TPO: variants seen among roughly 807,000 people sequenced by gnomAD.
TPO encodes thyroid microsomal antigen.
In TPO, 78 loss-of-function variants were observed where a neutral mutation model predicts 96.9. That is an observed-to-expected ratio of 0.81 (90% CI 0.67 to 0.97). TPO has a LOEUF of 0.97. TPO is among the 50% of genes least tolerant of loss of function. The pLI, the probability that TPO is intolerant of heterozygous loss-of-function variation, is 0.00. For missense variants in TPO, 1,252 were observed against 1,274.8 expected (o/e 0.98, Z 0.27); for synonymous variants, 547 against 538.0 (o/e 1.02, Z -0.23).
rs753132298 is a variant in TPO at position 1,487,873 on chromosome 2, G to A, written c.1650G>A (p.Gln550=). 4.3e-6 allele frequency: 7 copies of A among 1,614,258 alleles called. No individual in the cohort carries two copies. The highest frequency in any genetic ancestry group is 3.3e-4 in the Middle Eastern group (2 of 6,062). Residue 550 remains glutamine (Q), a synonymous_variant, in exon 10 of 17, where the codon CAG becomes CAA. Transcript: ENST00000329066. ...RGLLARPAKL[Q]VQDQLMNEEL... is the part of the protein sequence containing the mutation. ...TTCTTGCAAGACCAGCCAAACTGCAGGTGCAGGATCAGCTGATGAACGAGG... is the reference window on the plus strand; with the variant it reads ...TTCTTGCAAGACCAGCCAAACTGCAAGTGCAGGATCAGCTGATGAACGAGG...
In TPO at chr2:1,534,354, GTCCAACTGTGTTCAACCTCCCCAAATCCC is replaced by G. The variant is rs912898533; in HGVS notation, c.2619-6228_2619-6200del. ...CCACTGTGTGCAACTTCCCTAAGTCGTCCAACTGTGTTCAACCTCCCCAAATCCCTCCAACTGTGTGCAACCTCCCCAAA... is the reference window on the plus strand; with the variant it reads ...CCACTGTGTGCAACTTCCCTAAGTCGTCCAACTGTGTGCAACCTCCCCAAA... On this transcript the variant is annotated intron_variant, in intron 15 of 16. Transcript: ENST00000329066. Among the ~76,000 whole-genome samples, 8 of 109,590 alleles carry G rather than the reference GTCCAACTGTGTTCAACCTCCCCAAATCCC, an allele frequency of 7.3e-5. 1 individual carries two copies. The highest frequency in any genetic ancestry group is 2.4e-4 in the African/African-American group (7 of 29,498). The allele number at this position is 109,590 out of a possible 152,430, so 71.9% of individuals were successfully genotyped here. A position where few individuals can be genotyped will look rare whatever the true frequency, so the allele number is the denominator to read the frequency against.
intron 14 of TPO, among the ~76,000 whole-genome samples, chr2:1,514,865 G>A (rs1286896335): frequency 6.6e-6 from 1 of 152,218 alleles, no homozygotes; most frequent in Non-Finnish European, 1.5e-5. Flanking sequence ...GGGTAAACAT[G>A]GAGCTGCTTA....
chr2:1,408,763 G>A (rs1238608816), upstream of TPO, among the ~76,000 whole-genome samples: 1 of 152,186 alleles, frequency 6.6e-6, no homozygotes, highest in African/African-American at 2.4e-5. Context: ...CCAAATAGAA[G>A]TAGGAAGGAC....
In TPO at chr2:1,496,761, C is replaced by T; in HGVS notation, c.2382C>T (p.Cys794=). 1.2e-6 allele frequency: 2 copies of T among 1,614,176 alleles called. No individual in the cohort carries two copies. The highest frequency in any genetic ancestry group is 1.7e-6 in the Non-Finnish European group (2 of 1,180,038). Residue 794 remains cysteine (C), a synonymous_variant, in exon 13 of 17, where the codon TGC becomes TGT. Transcript: ENST00000329066. ...GATGGGATTTCCAGCCTCCCCTCTG[C>T]AAAGGTCAGTCCTTTCTTCAATGAC... ...QEGWDFQPPL[C]KDVNECADGA...
intron 1 of TPO, among the ~76,000 whole-genome samples, chr2:1,400,769 T>C (rs1305587047): frequency 6.6e-6 from 1 of 152,168 alleles, no homozygotes; most frequent in African/African-American, 2.4e-5. Context: ...TCAGCAAGAA[T>C]TGAAAATTAA....
In TPO at chr2:1,536,813, A is replaced by C. The variant is rs1330631580; in HGVS notation, c.2619-3781A>C. On this transcript the variant is annotated intron_variant, in intron 15 of 16. Coordinates refer to ENST00000329066, the MANE Select transcript of TPO (RefSeq NM_001206744.2). ...CCCCGCAATCTGTGCAACCTCCCCA[A>C]ATCCCCCCCACTGTGTGCAACCTCC... Among the ~76,000 whole-genome samples the C allele has an allele frequency of 5.0e-3, 403 of 80,322 alleles. 5 individuals are homozygous for C. The highest frequency in any genetic ancestry group is 0.017 in the African/African-American group (375 of 21,546). The allele number at this position is 80,322 out of a possible 152,430, so 52.7% of individuals were successfully genotyped here.
At chr2:1,445,617 A>G (rs1384347077) in intron 5 of TPO, among the ~76,000 whole-genome samples, 19 of 133,850 alleles carry the variant, frequency 1.4e-4, no homozygotes, top group Middle Eastern at 4.9e-3. Flanking sequence ...AGGAGGTACC[A>G]TGTTGGAAGG....
intron 9 of TPO, among the ~76,000 whole-genome samples, chr2:1,485,906 TA>T (rs1426826564): frequency 6.6e-6 from 1 of 152,230 alleles, no homozygotes. Context: ...ACTCTTTAAT[TA>T]GATCTCATTT....
At chr2:1,514,007 A>G (rs1013732773) in intron 14 of TPO, among the ~76,000 whole-genome samples, 2 of 152,196 alleles carry the variant, frequency 1.3e-5, no homozygotes, top group African/African-American at 4.8e-5. Context: ...TTCTAGCTCT[A>G]TGTACCGATA....
intron 2 of TPO, among the ~76,000 whole-genome samples, chr2:1,415,783 A>C (rs1662896486): frequency 1.3e-5 from 2 of 152,200 alleles, no homozygotes; most frequent in African/African-American, 4.8e-5. Flanking sequence ...AGGGTCACAG[A>C]ATCTGGAGTC....
At chr2:1,497,530 G>A (rs1208453076) in intron 13 of TPO, among the ~76,000 whole-genome samples, 1 of 152,178 alleles carries the variant, frequency 6.6e-6, no homozygotes, top group Non-Finnish European at 1.5e-5. Flanking sequence ...AGAGCAGCTT[G>A]CGTCCTCCAA....
At chr2:1,520,623 G>A (rs1675160621) in intron 15 of TPO, among the ~76,000 whole-genome samples, 1 of 152,230 alleles carries the variant, frequency 6.6e-6, no homozygotes, top group Non-Finnish European at 1.5e-5. Flanking sequence ...ACGATTCGGA[G>A]TTAACTCCAT....
intron 1 of TPO, among the ~76,000 whole-genome samples, chr2:1,378,605 GC>G (rs1661757413): frequency 6.6e-6 from 1 of 152,212 alleles, no homozygotes; most frequent in Non-Finnish European, 1.5e-5. Flanking sequence ...CCCAGGCTCG[GC>G]CAGGGCTGGA....
At chr2:1,498,133 A>G (rs373184302) in intron 13 of TPO, among the ~76,000 whole-genome samples, 3 of 152,332 alleles carry the variant, frequency 2.0e-5, no homozygotes, top group East Asian at 1.9e-4. Context: ...TCAGCACAAT[A>G]ACAAAATTTC....
At chr2:1,431,048 G>A (rs1664928636) in intron 3 of TPO, among the ~76,000 whole-genome samples, 2 of 152,276 alleles carry the variant, frequency 1.3e-5, no homozygotes, top group South Asian at 4.1e-4. Context: ...GTGGGATTTG[G>A]GGGAACGGGT....
At chr2:1,537,040 T>A (rs773198762) in intron 15 of TPO, among the ~76,000 whole-genome samples, 615 of 17,190 alleles carry the variant, frequency 0.036, 1 homozygote, top group African/African-American at 0.17. Context: ...ATACCCCCAC[T>A]GTGTGCAACC....
At chr2:1,406,339 T>G (rs969894084) in intron 1 of TPO, among the ~76,000 whole-genome samples, 1 of 152,246 alleles carries the variant, frequency 6.6e-6, no homozygotes, top group Non-Finnish European at 1.5e-5. Context: ...AAAAGTACCA[T>G]TTTTTAAAAT....
At chr2:1,502,602 C>A (rs903855013) in intron 13 of TPO, among the ~76,000 whole-genome samples, 2 of 152,088 alleles carry the variant, frequency 1.3e-5, no homozygotes, top group African/African-American at 4.8e-5. Context: ...GTTGGCCAGG[C>A]TGGGCTCAAA....
At chr2:1,511,302 GGGTGC>G in intron 14 of TPO, among the ~76,000 whole-genome samples, 1 of 71,826 alleles carries the variant, frequency 1.4e-5, no homozygotes, top group South Asian at 6.5e-4. Flanking sequence ...TGCAGACTGG[GGGTGC>G]CACAGCGCAG....
Sources: gnomAD v4.1 joint callset for allele counts (sites outside exome capture counted in the v4.1 genomes callset) on GRCh38, gnomAD v4.1.1 for gene constraint, MANE v1.5 for transcripts, NCBI Gene and HGNC (gene_info 2026-07-23, HGNC 2026-07-21) for gene names.